Variants in LINGO2 observed in about 807,000 individuals in gnomAD.
LINGO2 encodes the protein leucine-rich repeat and immunoglobulin-like domain-containing nogo receptor-interacting protein 2.
In LINGO2, 14 loss-of-function variants were observed where a neutral mutation model predicts 30.6. The ratio of observed to expected loss-of-function variants is 0.46; its 90% CI spans 0.30 to 0.72. The LOEUF is 0.72. Ranked by LOEUF, LINGO2 falls within the 30% of genes least tolerant of loss-of-function variation. LINGO2 has a pLI of 0.07. For missense variants in LINGO2, 729 were observed against 751.7 expected, an observed-to-expected ratio of 0.97 and a Z score of 0.35; for synonymous variants, 317 against 288.5, an observed-to-expected ratio of 1.10 and a Z score of -1.00.
chr9:28,482,073 G>A (rs918917530), intron 1 of LINGO2, among the ~76,000 whole-genome samples: 19 of 152,018 alleles, frequency 1.2e-4, no homozygotes, highest in East Asian at 1.9e-4. Context: ...GAATAGTGCC[G>A]CAATAAACAT....
In LINGO2 at chr9:28,311,312, ATGAAGTTTTGGG is replaced by A. The variant is rs562866062; in HGVS notation, c.-245-15958_-245-15947del. On this transcript the variant is annotated intron_variant, in intron 3 of 5. Coordinates refer to ENST00000379992, the Ensembl canonical transcript of LINGO2. The stretch of plus-strand genomic sequence containing the variant: ...GACCGGGGCAAAATTAAAATTGCTA[ATGAAGTTTTGGG>A]CACACATTGTCATTGATAACATCTT... Among the ~76,000 whole-genome samples, 34 of 152,286 alleles carry A rather than the reference ATGAAGTTTTGGG, an allele frequency of 2.2e-4. No individual in the cohort carries two copies. In the East Asian group the frequency reaches 6.2e-3, roughly 28 times the overall value.
At chr9:28,828,792 T>C in the LINGO2 span, among the ~76,000 whole-genome samples, 13 of 152,052 alleles carry the variant, frequency 8.5e-5, no homozygotes, top group Non-Finnish European at 1.9e-4. Context: ...AGGAAGGCAA[T>C]TTGAAAACTG....
chr9:27,990,156 T>A (rs1328681810), intron 5 of LINGO2, among the ~76,000 whole-genome samples: 1 of 152,074 alleles, frequency 6.6e-6, no homozygotes, highest in Non-Finnish European at 1.5e-5. Context: ...TGTCCAACTG[T>A]TAGGCTGAGT....
chr9:28,516,847 C>A (rs921240248), intron 1 of LINGO2, among the ~76,000 whole-genome samples: 11 of 152,148 alleles, frequency 7.2e-5, no homozygotes, highest in Admixed American at 3.3e-4. Flanking sequence ...CTGTGCCAGA[C>A]TCTATGAGAT....
the LINGO2 span, among the ~76,000 whole-genome samples, chr9:28,788,870 G>C: frequency 6.6e-6 from 1 of 152,134 alleles, no homozygotes; most frequent in Non-Finnish European, 1.5e-5. Context: ...TTTGGGTGAG[G>C]ACACAAAGCC....
At chr9:29,164,713 T>TAC in the LINGO2 span, among the ~76,000 whole-genome samples, 3 of 151,572 alleles carry the variant, frequency 2.0e-5, no homozygotes, top group Admixed American at 6.6e-5. Context: ...ATAACACACA[T>TAC]ACACACACAC....
chr9:28,201,181 C>T (rs1187478051), intron 4 of LINGO2, among the ~76,000 whole-genome samples: 1 of 149,462 alleles, frequency 6.7e-6, no homozygotes, highest in Non-Finnish European at 1.5e-5. Context: ...CACCCACTAA[C>T]TCGTCATCTA....
chr9:29,096,340 C>T, the LINGO2 span, among the ~76,000 whole-genome samples: 1 of 139,514 alleles, frequency 7.2e-6, no homozygotes, highest in Admixed American at 7.3e-5. Flanking sequence ...GGCTGGACTG[C>T]AGTGGCGAAA....
At chr9:28,567,777 A>C (rs1192830183) in intron 1 of LINGO2, among the ~76,000 whole-genome samples, 1 of 150,492 alleles carries the variant, frequency 6.6e-6, no homozygotes, top group Non-Finnish European at 1.5e-5. Flanking sequence ...GAACCTGCAC[A>C]TGTACTTCCT....
chr9:28,805,784 A>G, the LINGO2 span, among the ~76,000 whole-genome samples: 1 of 152,074 alleles, frequency 6.6e-6, no homozygotes, highest in Admixed American at 6.6e-5. Context: ...CCTCTAGGTA[A>G]TGATTGCGGT....
the LINGO2 span, among the ~76,000 whole-genome samples, chr9:28,992,596 C>T: frequency 2.0e-5 from 3 of 152,182 alleles, no homozygotes; most frequent in African/African-American, 4.8e-5. Flanking sequence ...TATTCCAAAA[C>T]TGACCGCATA....
chr9:28,221,207 G>T (rs1052708066), intron 4 of LINGO2, among the ~76,000 whole-genome samples: 1 of 151,398 alleles, frequency 6.6e-6, no homozygotes, highest in Non-Finnish European at 1.5e-5. Flanking sequence ...GGCTGAGGCA[G>T]GAGAATGGCG....
intron 2 of LINGO2, among the ~76,000 whole-genome samples, chr9:28,439,830 T>C (rs972927462): frequency 1.1e-4 from 17 of 152,212 alleles, no homozygotes; most frequent in Admixed American, 1.0e-3. Context: ...TTCAGTGATA[T>C]GTGTTACTCT....
chr9:28,467,707 A>AT (rs1432484818), intron 2 of LINGO2, among the ~76,000 whole-genome samples: 3 of 152,132 alleles, frequency 2.0e-5, no homozygotes, highest in African/African-American at 7.2e-5. Context: ...ATCCACTGGA[A>AT]TTTTTTTAAA....
chr9:28,222,493 C>G lies in LINGO2; in HGVS notation c.-87+72715G>C, dbSNP rs377475889. On this transcript the variant is annotated intron_variant, in intron 4 of 5. Transcript: ENST00000379992. ...TAATCAGAGGTTCCCAGCTGCTCAC[C>G]TTAAATTAAAACTTGACTTAGGTAA... 1.6e-4 allele frequency among the ~76,000 whole-genome samples: 25 copies of G among 151,574 alleles called. No homozygotes were observed. The South Asian group carries it at 5.2e-3, about 32-fold the overall frequency.
intron 4 of LINGO2, among the ~76,000 whole-genome samples, chr9:28,142,155 G>GTTT (rs1827689596): frequency 1.2e-5 from 1 of 80,752 alleles, no homozygotes; most frequent in African/African-American, 4.9e-5. Context: ...TACTTTCTTT[G>GTTT]TCTTTTTTTT....
the LINGO2 span, among the ~76,000 whole-genome samples, chr9:29,176,916 C>T: frequency 1.3e-5 from 2 of 152,110 alleles, no homozygotes; most frequent in Non-Finnish European, 2.9e-5. Flanking sequence ...AGGAAGAATT[C>T]GAATCAAGAG....
chr9:28,916,701 A>G, the LINGO2 span, among the ~76,000 whole-genome samples: 1 of 152,216 alleles, frequency 6.6e-6, no homozygotes, highest in African/African-American at 2.4e-5. Context: ...CTGTAGCCCA[A>G]CCACCTTGGG....
At chr9:28,600,984 G>A (rs1315312085) in intron 1 of LINGO2, among the ~76,000 whole-genome samples, 1 of 152,048 alleles carries the variant, frequency 6.6e-6, no homozygotes, top group Non-Finnish European at 1.5e-5. Flanking sequence ...AAATTAATAT[G>A]TTTTGCTCCA....
Sources: allele counts gnomAD v4.1 joint callset (sites outside exome capture counted in the v4.1 genomes callset), GRCh38; gene constraint gnomAD v4.1.1; transcripts MANE v1.5; gene names NCBI Gene and HGNC (gene_info 2026-07-23, HGNC 2026-07-21).